Variants in DNAH14 observed in about 807,000 individuals in gnomAD.
DNAH14 encodes dynein axonemal heavy chain 14.
DNAH14 carries 478 observed loss-of-function variants against 520.9 expected under a neutral mutation model. The ratio of observed to expected loss-of-function variants is 0.92; its 90% CI spans 0.85 to 0.99. The LOEUF is 0.99. Among genes scored for constraint, DNAH14 ranks in the 50% least tolerant of loss-of-function variants. The pLI is 0.00. For missense variants in DNAH14, 4,831 were observed against 5,234.5 expected (o/e 0.92, Z 2.38); for synonymous variants, 1,581 against 1,757.2 (o/e 0.90, Z 2.51).
At chr1:225,125,994 T>C (rs775789829) in intron 27 of DNAH14, among the ~76,000 whole-genome samples, 25 of 152,146 alleles carry the variant, frequency 1.6e-4, no homozygotes, top group Non-Finnish European at 3.5e-4. Flanking sequence ...AGGAGAGAGA[T>C]GGGGGAATGA....
At chr1:225,376,588 T>C (rs1349300428) in intron 78 of DNAH14, among the ~76,000 whole-genome samples, 2 of 152,206 alleles carry the variant, frequency 1.3e-5, no homozygotes, top group African/African-American at 4.8e-5. Flanking sequence ...GACAGAAGGG[T>C]ATTCTGAAAT....
chr1:225,382,480 C>T (rs970021461), intron 81 of DNAH14, among the ~76,000 whole-genome samples: 19 of 151,954 alleles, frequency 1.3e-4, no homozygotes, highest in Admixed American at 3.9e-4. Flanking sequence ...GCCAAGGTGG[C>T]GGATCACCTG....
rs1042162300 is a variant in DNAH14 at position 225,392,338 on chromosome 1, G to A, written c.13378G>A (p.Ala4460Thr). The change falls in exon 84 of 86, where the codon GCT becomes ACT. Residue 4460 changes from alanine (A) to threonine (T), a missense_variant. Coordinates refer to ENST00000682510, the MANE Select transcript of DNAH14 (RefSeq NM_001367479.1). ...AGACTATGGGAGGTCCCGAGGAATC[G>A]CTGTGGATGCCCTCACCTTCACCCA... ...LQDYGRSRGI[A>T]VDALTFTHHV... is the part of the protein sequence containing the mutation. 8 of 1,552,342 alleles carry A rather than the reference G, an allele frequency of 5.2e-6. No homozygotes were observed. The highest frequency in any genetic ancestry group is 7.0e-6 in the Non-Finnish European group (8 of 1,147,146).
Position 224,949,597 on chromosome 1 carries a change from A to G in DNAH14, c.-33-3073A>G, listed in dbSNP as rs369971990. ...TAAAAATAAGATTACTGTTTGGGAA[A>G]GTGAAGGAGGAAATGAATATTGTAT... On this transcript the variant is annotated intron_variant, in intron 1 of 85. Transcript: ENST00000682510. 5.3e-5 allele frequency among the ~76,000 whole-genome samples: 8 copies of G among 152,310 alleles called. 1 individual carries two copies. In the East Asian group the frequency reaches 1.5e-3, roughly 29 times the overall value.
At chr1:225,174,221 C>G (rs897358917) in intron 36 of DNAH14, among the ~76,000 whole-genome samples, 2 of 152,026 alleles carry the variant, frequency 1.3e-5, no homozygotes, top group African/African-American at 4.8e-5. Context: ...TTTAACTAAC[C>G]TGCACATTGT....
intron 36 of DNAH14, among the ~76,000 whole-genome samples, chr1:225,178,084 T>C (rs2083526429): frequency 6.6e-6 from 1 of 152,158 alleles, no homozygotes; most frequent in Non-Finnish European, 1.5e-5. Flanking sequence ...GATCTGGATG[T>C]GAGACATGAA....
chr1:225,126,804 T>G (rs1034161764), intron 27 of DNAH14, among the ~76,000 whole-genome samples: 1 of 152,100 alleles, frequency 6.6e-6, no homozygotes, highest in African/African-American at 2.4e-5. Context: ...GATGTTAGGG[T>G]GTCAATTTTG....
At chr1:225,075,407 C>T (rs1375136099) in intron 17 of DNAH14, among the ~76,000 whole-genome samples, 1 of 152,172 alleles carries the variant, frequency 6.6e-6, no homozygotes, top group Non-Finnish European at 1.5e-5. Flanking sequence ...GAGAGCAATG[C>T]ATTCTAGCTG....
chr1:224,976,900 C>G (rs531573628), intron 8 of DNAH14, among the ~76,000 whole-genome samples: 2 of 151,458 alleles, frequency 1.3e-5, no homozygotes, highest in Non-Finnish European at 3.0e-5. Flanking sequence ...GGACTGTAAA[C>G]TAGTTCAACC....
Position 225,260,615 on chromosome 1 carries a change from T to TC in DNAH14, c.7157+1369dup, listed in dbSNP as rs201919917. On this transcript the variant is annotated intron_variant, in intron 46 of 85. Transcript: ENST00000682510. ...GGGTGATGCCACAAGCTTTTTTTTT[T>TC]CCCCCCCTCAAGATTGCTTTGGCTA... 8.2e-3 allele frequency among the ~76,000 whole-genome samples: 1,209 copies of TC among 147,990 alleles called. 5 individuals are homozygous for TC. Among genetic ancestry groups the TC allele is most frequent in the African/African-American group, 0.017 (689 of 39,804 alleles).
intron 17 of DNAH14, among the ~76,000 whole-genome samples, chr1:225,070,170 T>C (rs1015664654): frequency 3.3e-5 from 5 of 152,156 alleles, no homozygotes; most frequent in Admixed American, 6.5e-5. Flanking sequence ...CCTGGATTCA[T>C]TGGTCTTTTG....
At chr1:225,096,862 G>A (rs1176328205) in intron 21 of DNAH14, among the ~76,000 whole-genome samples, 1 of 152,080 alleles carries the variant, frequency 6.6e-6, no homozygotes, top group Non-Finnish European at 1.5e-5. Flanking sequence ...ACATATATAT[G>A]TGTGTTACTC....
At chr1:225,228,365 G>T (rs1003033900) in intron 41 of DNAH14, among the ~76,000 whole-genome samples, 3 of 152,204 alleles carry the variant, frequency 2.0e-5, no homozygotes, top group Non-Finnish European at 2.9e-5. Context: ...CATTCTGACA[G>T]CAACTAAACT....
At chr1:225,117,039 G>T (rs1455073972) in intron 23 of DNAH14, among the ~76,000 whole-genome samples, 1 of 152,102 alleles carries the variant, frequency 6.6e-6, no homozygotes, top group South Asian at 2.1e-4. Context: ...AATTTAGGGG[G>T]AGGCCTATTG....
intron 84 of DNAH14, among the ~76,000 whole-genome samples, chr1:225,392,885 G>A (rs1049228281): frequency 6.6e-6 from 1 of 152,142 alleles, no homozygotes; most frequent in Non-Finnish European, 1.5e-5. Context: ...AGACCTCAGC[G>A]GTGCAGTGAG....
chr1:225,229,396 G>T (rs1449862505), intron 41 of DNAH14, among the ~76,000 whole-genome samples: 2 of 152,092 alleles, frequency 1.3e-5, no homozygotes, highest in Non-Finnish European at 2.9e-5. Flanking sequence ...AATACCATTT[G>T]ACTCAACAAT....
intron 10 of DNAH14, among the ~76,000 whole-genome samples, chr1:225,011,191 A>G (rs1031268054): frequency 6.6e-6 from 1 of 152,072 alleles, no homozygotes; most frequent in Admixed American, 6.6e-5. Context: ...TTGTGATGTT[A>G]GGGTGTCGAT....
intron 75 of DNAH14, among the ~76,000 whole-genome samples, chr1:225,362,380 G>A (rs2095502305): frequency 6.6e-6 from 1 of 152,082 alleles, no homozygotes; most frequent in African/African-American, 2.4e-5. Context: ...TCTGAGACCA[G>A]CCTGGCCAAC....
chr1:225,243,744 T>G (rs1403801007), intron 43 of DNAH14, among the ~76,000 whole-genome samples: 2 of 152,118 alleles, frequency 1.3e-5, no homozygotes, highest in African/African-American at 2.4e-5. Context: ...AAGGAGTTTT[T>G]GGGCTGAGAC....
Sources: gnomAD v4.1 joint callset for allele counts (sites outside exome capture counted in the v4.1 genomes callset) on GRCh38, gnomAD v4.1.1 for gene constraint, MANE v1.5 for transcripts, NCBI Gene and HGNC (gene_info 2026-07-23, HGNC 2026-07-21) for gene names.